The following DCUN1D4 variants were observed in gnomAD, a reference collection of about 807,000 sequenced individuals.
DCUN1D4 encodes defective in cullin neddylation 1 domain containing 4.
DCUN1D4 carries 22 observed loss-of-function variants against 47.9 expected under a neutral mutation model. The ratio of observed to expected loss-of-function variants is 0.46; its 90% CI spans 0.33 to 0.66. The LOEUF (loss-of-function observed/expected upper bound fraction) is 0.66, where lower values mean the gene tolerates loss of function less well. DCUN1D4 is among the 30% of genes least tolerant of loss of function. The pLI is 0.02. For missense variants in DCUN1D4, 301 were observed against 340.8 expected, an observed-to-expected ratio of 0.88 and a Z score of 0.92; for synonymous variants, 121 against 112.2, an observed-to-expected ratio of 1.08 and a Z score of -0.50.
chr4:51,857,486 C>T (rs921713591), intron 1 of DCUN1D4, among the ~76,000 whole-genome samples: 16 of 152,200 alleles, frequency 1.1e-4, no homozygotes, highest in Admixed American at 1.0e-3. Context: ...AGGAGTGCTT[C>T]TCAGACTTCC....
intron 1 of DCUN1D4, among the ~76,000 whole-genome samples, chr4:51,854,333 C>T (rs1016932805): frequency 1.3e-5 from 2 of 152,068 alleles, no homozygotes; most frequent in African/African-American, 2.4e-5. Flanking sequence ...TGAGATGTAC[C>T]TCATTTTTAA....
At chr4:51,852,759 C>T (rs1361897901) in intron 1 of DCUN1D4, among the ~76,000 whole-genome samples, 2 of 152,190 alleles carry the variant, frequency 1.3e-5, no homozygotes, top group Admixed American at 1.3e-4. Context: ...ACAGTAGCTT[C>T]GCAAAGAGGT....
At chr4:51,837,280 A>T in the DCUN1D4 span, among the ~76,000 whole-genome samples, 2 of 152,230 alleles carry the variant, frequency 1.3e-5, no homozygotes, top group Non-Finnish European at 2.9e-5. Flanking sequence ...GGTCCTGAGT[A>T]AAAAGGAAAA....
At chr4:51,855,937 TTTTTGTTTTCTTTTC>T in intron 1 of DCUN1D4, among the ~76,000 whole-genome samples, 1 of 152,154 alleles carries the variant, frequency 6.6e-6, no homozygotes, top group Non-Finnish European at 1.5e-5. Context: ...GCTTTAACAA[TTTTTGTTTTCTTTTC>T]CCATATCACG....
At chr4:51,890,692 G>A (rs1577994062) in intron 6 of DCUN1D4, among the ~76,000 whole-genome samples, 2 of 152,288 alleles carry the variant, frequency 1.3e-5, no homozygotes, top group African/African-American at 4.8e-5. Flanking sequence ...CTTTGAGGTA[G>A]ATGAGAAGGA....
chr4:51,854,155 A>G (rs1043472061), intron 1 of DCUN1D4, among the ~76,000 whole-genome samples: 58 of 152,342 alleles, frequency 3.8e-4, no homozygotes, highest in African/African-American at 1.4e-3. Flanking sequence ...AAATGTGAAT[A>G]TATTTGTTTT....
chr4:51,911,119 G>C lies in DCUN1D4; in HGVS notation c.665G>C (p.Gly222Ala). 6.2e-7 allele frequency: 1 copy of C among 1,612,910 alleles called. No homozygotes were observed. Residue 222 changes from glycine (G) to alanine (A), a missense_variant, in exon 9 of 11, where the codon GGA becomes GCA. By Grantham distance (60) the Gly-to-Ala change is moderately conservative (BLOSUM62 0). This residue lies in a region of DCUN1D4 where 170 missense variants were observed against 234.5 expected (regional missense o/e 0.73). Coordinates refer to ENST00000334635, the MANE Select transcript of DCUN1D4 (RefSeq NM_001040402.3). ...LDINTAKCML[G>A]LLLGKIWPLF... ...ATAAACACTGCCAAGTGCATGTTGG[G>C]ACTGTTATTAGGAAAAATCTGGCCC...
Position 51,871,253 on chromosome 4 carries a change from T to G in DCUN1D4, c.137-3018T>G, listed in dbSNP as rs142013632. Among the ~76,000 whole-genome samples the G allele has an allele frequency of 5.3e-5, 8 of 152,052 alleles. No homozygotes were observed. The East Asian group carries it at 1.5e-3, about 29-fold the overall frequency. ...CTTTTCCACAGACACAAGAAAAAAG[T>G]ATTTGTGAAACTTTTAATAGAAAGC... On this transcript the variant is annotated intron_variant, in intron 3 of 10. Transcript: ENST00000334635.
chr4:51,891,516 A>G (rs756914894), intron 6 of DCUN1D4, among the ~76,000 whole-genome samples: 5 of 152,174 alleles, frequency 3.3e-5, no homozygotes, highest in African/African-American at 4.8e-5. Flanking sequence ...CACCTCCACT[A>G]TCGTGCATCA....
intron 1 of DCUN1D4, among the ~76,000 whole-genome samples, chr4:51,853,609 C>G (rs1049228403): frequency 2.0e-5 from 3 of 152,196 alleles, no homozygotes; most frequent in Non-Finnish European, 4.4e-5. Flanking sequence ...ATCTACTTCT[C>G]TGGTTGCATG....
intron 7 of DCUN1D4, among the ~76,000 whole-genome samples, chr4:51,892,294 T>C (rs1560502520): frequency 6.6e-6 from 1 of 152,258 alleles, no homozygotes; most frequent in Non-Finnish European, 1.5e-5. Context: ...ATTTTTATAT[T>C]CTTTTTTCTC....
At chr4:51,843,437 C>T (rs1242071188) in intron 1 of DCUN1D4, 170 bp downstream of exon 1, 1 of 1,189,480 alleles carries the variant, frequency 8.4e-7, no homozygotes, top group African/African-American at 1.7e-5. Context: ...ACGCTGCGGG[C>T]GGCGTGGGGC....
chr4:51,900,239 G>A (rs2110099077), intron 8 of DCUN1D4, among the ~76,000 whole-genome samples: 1 of 151,472 alleles, frequency 6.6e-6, no homozygotes, highest in Middle Eastern at 3.4e-3. Flanking sequence ...TGCCAGTTCA[G>A]CACCAAAGGT....
intron 8 of DCUN1D4, among the ~76,000 whole-genome samples, chr4:51,910,147 G>A (rs1733508940): frequency 6.6e-6 from 1 of 152,098 alleles, no homozygotes; most frequent in Non-Finnish European, 1.5e-5. Flanking sequence ...TTCCACTGTA[G>A]TTAAGATAAC....
chr4:51,876,790 T>C (rs1480712244), intron 4 of DCUN1D4, among the ~76,000 whole-genome samples: 3 of 152,106 alleles, frequency 2.0e-5, no homozygotes, highest in Non-Finnish European at 4.4e-5. Context: ...GTGGGGGTCC[T>C]GGAAACAGTC....
intron 5 of DCUN1D4, among the ~76,000 whole-genome samples, chr4:51,882,570 A>G (rs1026105475): frequency 6.6e-6 from 1 of 152,220 alleles, no homozygotes; most frequent in African/African-American, 2.4e-5. Flanking sequence ...GATCGAGACC[A>G]TCCTGGCTAA....
chr4:51,874,564 T>C (rs1331736860), intron 4 of DCUN1D4, among the ~76,000 whole-genome samples, 179 bp downstream of exon 4: 1 of 152,238 alleles, frequency 6.6e-6, no homozygotes. Flanking sequence ...TTTAAAAACG[T>C]AAGAACAAAT....
chr4:51,879,071 A>G lies in DCUN1D4; in HGVS notation c.343+1217A>G, dbSNP rs539067011. Among the ~76,000 whole-genome samples, 286 of 152,242 alleles carry G rather than the reference A, an allele frequency of 1.9e-3. 3 individuals are homozygous for G. Among genetic ancestry groups the G allele is most frequent in the Middle Eastern group, 0.014 (4 of 294 alleles). On this transcript the variant is annotated intron_variant, in intron 5 of 10. Coordinates refer to ENST00000334635, the MANE Select transcript of DCUN1D4 (RefSeq NM_001040402.3). ...CTTCTGGTGGAGGACTCGAGAGGTT[A>G]TAGTTCTGATTCCTGTAGTTCTTCT...
At chr4:51,874,499 T>G (rs1306800541) in intron 4 of DCUN1D4, 114 bp downstream of exon 4, 1 of 578,636 alleles carries the variant, frequency 1.7e-6, no homozygotes, top group African/African-American at 1.9e-5. Context: ...GAATGGGCTT[T>G]GCCAGTCGAT....
Sources: allele counts gnomAD v4.1 joint callset (sites outside exome capture counted in the v4.1 genomes callset), GRCh38; gene constraint gnomAD v4.1.1; regional missense constraint gnomAD v4.1.1; transcripts MANE v1.5; gene names NCBI Gene and HGNC (gene_info 2026-07-23, HGNC 2026-07-21).